Variants in NREP observed in about 807,000 individuals in gnomAD.
The protein encoded by NREP is neuronal regeneration related protein.
NREP carries 5 observed loss-of-function variants against 8.6 expected under a neutral mutation model. The observed-to-expected ratio is 0.58, with a 90% CI of 0.30 to 1.22. The LOEUF is 1.22. NREP is among the 50% of genes most tolerant of loss of function. The pLI is 0.07. For synonymous variants in NREP, 27 were observed against 28.0 expected (o/e 0.96, Z 0.11); for missense variants, 86 against 82.5 (o/e 1.04, Z -0.17).
At chr5:111,817,515 T>C (rs1398914252) in intron 2 of NREP, among the ~76,000 whole-genome samples, 1 of 152,102 alleles carries the variant, frequency 6.6e-6, no homozygotes, top group African/African-American at 2.4e-5. Flanking sequence ...CCTTTTAAAA[T>C]ATATTAGAGG....
intron 2 of NREP, among the ~76,000 whole-genome samples, chr5:111,787,305 A>C (rs1473262619): frequency 6.6e-6 from 1 of 152,216 alleles, no homozygotes; most frequent in Non-Finnish European, 1.5e-5. Flanking sequence ...AGAGAGAGAA[A>C]TATTGTTTAA....
intron 2 of NREP, among the ~76,000 whole-genome samples, chr5:111,735,805 A>C (rs1045314168): frequency 1.3e-5 from 2 of 152,238 alleles, no homozygotes; most frequent in Non-Finnish European, 2.9e-5. Context: ...GGCTGAGTGC[A>C]CTAAGTCATC....
upstream of NREP, chr5:111,757,210 A>G (rs2112856091): frequency 1.1e-6 from 1 of 930,450 alleles, no homozygotes; most frequent in South Asian, 5.2e-5. Context: ...AAAAAGGGCA[A>G]CATGCTAGAA....
intron 2 of NREP, among the ~76,000 whole-genome samples, chr5:111,899,974 C>T (rs1486608071): frequency 6.6e-6 from 1 of 152,106 alleles, no homozygotes. Context: ...AATATTTTAT[C>T]TAACAGCTGC....
chr5:111,731,196 T>G, intron 3 of NREP, 150 bp from the exon 4 acceptor site: 1 of 741,420 alleles, frequency 1.3e-6, no homozygotes, highest in Non-Finnish European at 2.2e-6. Context: ...AGAGTTTACA[T>G]ATTAAACACA....
At chr5:111,894,381 C>G (rs1754460551) in intron 2 of NREP, among the ~76,000 whole-genome samples, 1 of 151,648 alleles carries the variant, frequency 6.6e-6, no homozygotes, top group Non-Finnish European at 1.5e-5. Context: ...CTTTTAAGGA[C>G]ATTTCTGTGG....
intron 2 of NREP, among the ~76,000 whole-genome samples, chr5:111,797,289 A>G (rs1030757118): frequency 2.0e-5 from 3 of 152,172 alleles, no homozygotes; most frequent in African/African-American, 7.2e-5. Flanking sequence ...TTGTCCTTAT[A>G]GTGTGGCATT....
At chr5:111,742,617 G>C (rs1331985653) in intron 2 of NREP, among the ~76,000 whole-genome samples, 1 of 152,026 alleles carries the variant, frequency 6.6e-6, no homozygotes, top group Non-Finnish European at 1.5e-5. Flanking sequence ...AAGGTTAACA[G>C]AATTACCCGA....
At chr5:111,968,011 A>C (rs537052867) in intron 2 of NREP, among the ~76,000 whole-genome samples, 1 of 152,318 alleles carries the variant, frequency 6.6e-6, no homozygotes, top group South Asian at 2.1e-4. Flanking sequence ...AAATTAAAGG[A>C]ATTTAACTAG....
intron 2 of NREP, among the ~76,000 whole-genome samples, chr5:111,821,488 T>C (rs187645330): frequency 1.3e-5 from 2 of 152,336 alleles, no homozygotes; most frequent in Admixed American, 6.5e-5. Context: ...AAGTCATTAA[T>C]GTAATCATAT....
chr5:111,897,733 A>G lies in NREP; in HGVS notation c.135+77541T>C, dbSNP rs568465220. ...TTCCTAACTTTGTTCTCTATTATTAATAAGTCTCTCTTTTTCAAACCCAAA... is the reference window on the plus strand; with the variant it reads ...TTCCTAACTTTGTTCTCTATTATTAGTAAGTCTCTCTTTTTCAAACCCAAA... On this transcript the variant is annotated intron_variant, in intron 2 of 3. Coordinates refer to the NREP transcript ENST00000395634. Among the ~76,000 whole-genome samples, 21 of 152,224 alleles carry G rather than the reference A, an allele frequency of 1.4e-4. No homozygotes were observed. The South Asian group carries it at 3.9e-3, about 29-fold the overall frequency.
In NREP at chr5:111,975,274, A is replaced by T. The variant is rs1385294302; in HGVS notation, c.135T>A (p.Cys45Ter). Residue 45 changes from cysteine (C) to a stop codon, truncating the protein, a stop_gained and splice_region_variant, in exon 2 of 4, where the codon TGT (cysteine) becomes TGA (stop). Coordinates refer to the NREP transcript ENST00000395634. LOFTEE classifies it high-confidence loss of function. ...AAATCAGGATAGCAGTTTGTCTTAC[A>T]CAATTCAGAACAGAAATCTGGCAGT... 1 of 1,549,066 alleles carries T rather than the reference A, an allele frequency of 6.5e-7. No homozygotes were observed. Among genetic ancestry groups the T allele is most frequent in the African/African-American group, 1.4e-5 (1 of 73,016 alleles).
At chr5:111,962,799 G>A (rs1756515875) in intron 2 of NREP, among the ~76,000 whole-genome samples, 1 of 152,154 alleles carries the variant, frequency 6.6e-6, no homozygotes, top group South Asian at 2.1e-4. Flanking sequence ...ACTTCAGAGG[G>A]ACTGCTGGAC....
At chr5:111,747,704 A>C (rs1283829975) in intron 2 of NREP, among the ~76,000 whole-genome samples, 1 of 152,152 alleles carries the variant, frequency 6.6e-6, no homozygotes, top group Non-Finnish European at 1.5e-5. Flanking sequence ...AGGGGCAGAC[A>C]GACCTTCCTT....
chr5:111,843,176 C>T (rs1753074536), intron 2 of NREP, among the ~76,000 whole-genome samples: 1 of 151,964 alleles, frequency 6.6e-6, no homozygotes, highest in Admixed American at 6.6e-5. Flanking sequence ...TTTCATAACA[C>T]ATATATTGGT....
chr5:111,962,789 A>ACTT (rs1756515599), intron 2 of NREP, among the ~76,000 whole-genome samples: 1 of 152,168 alleles, frequency 6.6e-6, no homozygotes. Flanking sequence ...AGATAACTTG[A>ACTT]CTTCAGAGGG....
intron 2 of NREP, among the ~76,000 whole-genome samples, chr5:111,945,049 A>C (rs895586113): frequency 6.6e-6 from 1 of 152,074 alleles, no homozygotes; most frequent in Non-Finnish European, 1.5e-5. Flanking sequence ...CTTCTAACAG[A>C]TTAACATTCT....
chr5:111,838,796 CATA>C (rs773918377), intron 2 of NREP, among the ~76,000 whole-genome samples: 10 of 151,828 alleles, frequency 6.6e-5, no homozygotes, highest in African/African-American at 1.7e-4. Context: ...ATGTTGAATT[CATA>C]ATGATACGTA....
chr5:111,734,861 T>C (rs1302610714), intron 3 of NREP: 2 of 462,388 alleles, frequency 4.3e-6, no homozygotes, highest in African/African-American at 2.0e-5. Flanking sequence ...GTAGTTGTTA[T>C]TGTTTGTTTC....
Sources: gnomAD v4.1 joint callset for allele counts (sites outside exome capture counted in the v4.1 genomes callset) on GRCh38, gnomAD v4.1.1 for gene constraint, MANE v1.5 for transcripts, NCBI Gene and HGNC (gene_info 2026-07-23, HGNC 2026-07-21) for gene names.